Variants in DCN observed in about 807,000 individuals in gnomAD.
The protein encoded by DCN is decorin.
Under a neutral mutation model 36.5 loss-of-function variants are expected in DCN, and 17 were observed. The ratio of observed to expected loss-of-function variants is 0.47; its 90% CI spans 0.32 to 0.70. The LOEUF is 0.70. Among genes scored for constraint, DCN ranks in the 30% least tolerant of loss-of-function variants. The pLI, the probability that DCN is intolerant of heterozygous loss-of-function variation, is 0.04. For missense variants in DCN, 389 were observed against 430.1 expected (o/e 0.90, Z 0.84); for synonymous variants, 163 against 161.4 (o/e 1.01, Z -0.07).
At chr12:91,167,313 G>C (rs181846061) in intron 2 of DCN, among the ~76,000 whole-genome samples, 1 of 151,806 alleles carries the variant, frequency 6.6e-6, no homozygotes, top group South Asian at 2.1e-4. Context: ...CAAAGGGAAG[G>C]GTCCTTAAAT....
chr12:91,163,664 G>T (rs1239489446), intron 3 of DCN, among the ~76,000 whole-genome samples: 1 of 151,990 alleles, frequency 6.6e-6, no homozygotes, highest in Non-Finnish European at 1.5e-5. Flanking sequence ...AGAGATAAGA[G>T]AAAATCAAAA....
At chr12:91,155,615 G>GATCTATCT (rs3990009) in intron 5 of DCN, among the ~76,000 whole-genome samples, 12,904 of 150,286 alleles carry the variant, frequency 0.086, 737 homozygotes, top group African/African-American at 0.16. Context: ...ATTTTAATAA[G>GATCTATCT]ATCTATCTAT....
At chr12:91,169,320 A>G (rs1882781733) in intron 2 of DCN, among the ~76,000 whole-genome samples, 1 of 139,282 alleles carries the variant, frequency 7.2e-6, no homozygotes, top group African/African-American at 2.7e-5. Context: ...GGTTGAGGCT[A>G]CAGTGAGCTG....
chr12:91,169,652 T>C (rs1015134770), intron 2 of DCN: 1 of 152,212 alleles, frequency 6.6e-6, no homozygotes, highest in African/African-American at 2.4e-5. Flanking sequence ...GGGTACCCAA[T>C]GGGGTCATTT....
chr12:91,177,757 G>A (rs954984365), intron 2 of DCN: 9 of 692,418 alleles, frequency 1.3e-5, no homozygotes, highest in African/African-American at 1.2e-4. Flanking sequence ...AATATAAGCA[G>A]CTGGATTACA....
intron 2 of DCN, among the ~76,000 whole-genome samples, chr12:91,173,716 T>C (rs1309946811): frequency 6.6e-6 from 1 of 152,180 alleles, no homozygotes; most frequent in Admixed American, 6.5e-5. Flanking sequence ...TAGCATTCTG[T>C]CTGTTCCTCT....
At chr12:91,176,668 A>T (rs1850516774) in intron 2 of DCN, 1 of 152,196 alleles carries the variant, frequency 6.6e-6, no homozygotes, top group South Asian at 2.1e-4. Context: ...AAACTTCACT[A>T]AAGTGACTGG....
chr12:91,172,836 T>G (rs966114651), intron 2 of DCN: 7 of 661,336 alleles, frequency 1.1e-5, no homozygotes, highest in African/African-American at 3.6e-5. Flanking sequence ...GTGTAGAGGT[T>G]GTACGAAGAT....
rs1880750584 is a variant in DCN, at chr12:91,141,390, C to T, written c.*4668G>A. 1 of 152,172 alleles carries T rather than the reference C, an allele frequency of 6.6e-6. No homozygotes were observed. Among genetic ancestry groups the T allele is most frequent in the South Asian group, 2.1e-4 (1 of 4,828 alleles). The allele number at this position is 152,172 out of a possible 1,614,324, so 9.4% of individuals were successfully genotyped here. On this transcript the variant is annotated 3_prime_UTR_variant, in exon 8 of 8. Coordinates refer to ENST00000052754, the MANE Select transcript of DCN (RefSeq NM_001920.5). Reference sequence around the variant, plus strand: ...CCCTTCAGTTCTTCATCTCCCTGCTCAAATGTCACTCCTGATAAGTCCTTT... The same window carrying T: ...CCCTTCAGTTCTTCATCTCCCTGCTTAAATGTCACTCCTGATAAGTCCTTT...
intron 2 of DCN, among the ~76,000 whole-genome samples, chr12:91,171,523 A>G (rs1592703607): frequency 6.6e-6 from 1 of 152,172 alleles, no homozygotes; most frequent in African/African-American, 2.4e-5. Flanking sequence ...TCTAGGAATC[A>G]ATAGCCTGAA....
intron 3 of DCN, among the ~76,000 whole-genome samples, chr12:91,159,826 A>G (rs935020903): frequency 3.3e-5 from 5 of 152,086 alleles, no homozygotes; most frequent in African/African-American, 1.2e-4. Context: ...TTAACTAATT[A>G]TAAGGAACTT....
At position 91,146,088 on chromosome 12, in the gene DCN, G is replaced by T. The variant is rs758251041; in HGVS notation, c.1050C>A (p.Arg350=). 2.5e-6 allele frequency: 4 copies of T among 1,614,030 alleles called. No individual in the cohort carries two copies. Among genetic ancestry groups the T allele is most frequent in the Admixed American group, 1.7e-5 (1 of 60,016 alleles). The part of the protein sequence containing the change: ...QPSTFRCVYV[R]SAIQLGNYK ...TATAGTTTCCGAGTTGAATGGCAGA[G>T]CGCACGTAGACACATCTGAAGGTGG... Residue 350 remains arginine, a synonymous_variant, in exon 8 of 8, where the codon CGC becomes CGA. Transcript: ENST00000052754.
chr12:91,146,350 ACTTT>A, intron 7 of DCN, 98 bp from the exon 8 acceptor site: 1 of 508,104 alleles, frequency 2.0e-6, no homozygotes, highest in Non-Finnish European at 3.2e-6. Flanking sequence ...TTAATCCTTC[ACTTT>A]TTTTTTTTTT....
At position 91,162,780 on chromosome 12, in the gene DCN, C is replaced by T. The variant is rs188884803; in HGVS notation, c.324+1825G>A. On this transcript the variant is annotated intron_variant, in intron 3 of 7. Transcript: ENST00000052754. ...AATCTGCTTCTGTAAAACTTCTACT[C>T]ACTAGGAGGATTCTGTCATCTTGTA... Among the ~76,000 whole-genome samples, 9 of 152,240 alleles carry T rather than the reference C, an allele frequency of 5.9e-5. No individual in the cohort carries two copies. In the East Asian group the frequency reaches 1.7e-3, roughly 29 times the overall value.
At chr12:91,171,068 A>G (rs1464955676) in intron 2 of DCN, among the ~76,000 whole-genome samples, 1 of 152,182 alleles carries the variant, frequency 6.6e-6, no homozygotes, top group Non-Finnish European at 1.5e-5. Context: ...TTAGCATTTT[A>G]AATTATATGT....
chr12:91,164,595 T>C lies in DCN; in HGVS notation c.324+10A>G. The C allele has an allele frequency of 6.8e-7, 1 of 1,475,106 alleles. No individual in the cohort carries two copies. 91.4% of individuals were successfully genotyped at this position (1,475,106 alleles called of 1,614,324 possible). A position where few individuals can be genotyped will look rare whatever the true frequency, so the allele number is the denominator to read the frequency against. Reference sequence around the variant, plus strand: ...TATCTTATTGTGAGTTAAAAAAAAATAGTTCTTACGTGAAGGTTCTTCAGG... The same window carrying C: ...TATCTTATTGTGAGTTAAAAAAAAACAGTTCTTACGTGAAGGTTCTTCAGG... On this transcript the variant is annotated intron_variant, in intron 3 of 7. Transcript: ENST00000052754.
rs1868457171 is a variant in DCN at position 91,182,763 on chromosome 12, G to A, written c.-142C>T. On this transcript the variant is annotated 5_prime_UTR_variant, in exon 1 of 8. Coordinates refer to ENST00000052754, the MANE Select transcript of DCN (RefSeq NM_001920.5). Reference sequence around the variant, plus strand: ...CAGGTGTGGAAAGGAGGAGGGGGTAGGTGCTGCTCTGTGACTAGGTTGAAA... The same window carrying A: ...CAGGTGTGGAAAGGAGGAGGGGGTAAGTGCTGCTCTGTGACTAGGTTGAAA... 1.3e-5 allele frequency: 2 copies of A among 151,938 alleles called. No homozygotes were observed. Among genetic ancestry groups the A allele is most frequent in the Admixed American group, 1.3e-4 (2 of 15,202 alleles). 9.4% of individuals were successfully genotyped at this position (151,938 alleles called of 1,614,324 possible).
At position 91,164,585 on chromosome 12, in the gene DCN, TAA is replaced by T; in HGVS notation, c.324+18_324+19del. On this transcript the variant is annotated intron_variant, in intron 3 of 7. Transcript: ENST00000052754. ...CCTTGAGTCTTATCTTATTGTGAGTTAAAAAAAAATAGTTCTTACGTGAAGGT... is the reference window on the plus strand; with the variant it reads ...CCTTGAGTCTTATCTTATTGTGAGTTAAAAAAATAGTTCTTACGTGAAGGT... 1.5e-6 allele frequency: 2 copies of T among 1,334,546 alleles called. No individual in the cohort carries two copies. The highest frequency in any genetic ancestry group is 2.2e-6 in the Non-Finnish European group (2 of 929,956). 82.7% of individuals were successfully genotyped at this position (1,334,546 alleles called of 1,614,324 possible).
chr12:91,165,548 G>A (rs546801335), intron 2 of DCN, among the ~76,000 whole-genome samples: 121 of 152,132 alleles, frequency 8.0e-4, no homozygotes, highest in Non-Finnish European at 1.4e-3. Context: ...TATACAAAAG[G>A]CAGTTATTTT....
Sources: allele counts gnomAD v4.1 joint callset (sites outside exome capture counted in the v4.1 genomes callset), GRCh38; gene constraint gnomAD v4.1.1; transcripts MANE v1.5; gene names NCBI Gene and HGNC (gene_info 2026-07-23, HGNC 2026-07-21).